The following CCDC85C variants were observed in gnomAD, a reference collection of about 807,000 sequenced individuals.
The protein encoded by CCDC85C is coiled-coil domain-containing protein 85C.
CCDC85C carries 18 observed loss-of-function variants against 38.3 expected under a neutral mutation model. The ratio of observed to expected loss-of-function variants is 0.47; its 90% CI spans 0.33 to 0.70. The LOEUF (loss-of-function observed/expected upper bound fraction) is 0.70, where lower values mean the gene tolerates loss of function less well. CCDC85C is among the 30% of genes least tolerant of loss of function. The pLI is 0.03. For synonymous variants in CCDC85C, 264 were observed against 293.8 expected, an observed-to-expected ratio of 0.90 and a Z score of 1.04; for missense variants, 566 against 621.2, an observed-to-expected ratio of 0.91 and a Z score of 0.94.
rs1566768238 is a variant in CCDC85C at position 99,544,508 on chromosome 14, G to GTC, written c.794-8421_794-8420insGA. On this transcript the variant is annotated intron_variant, in intron 1 of 5. Transcript: ENST00000380243. The surrounding 1 kb of genome is among the most constrained non-coding windows in gnomAD (Gnocchi z 5.3). Reference sequence around the variant, plus strand: ...TTGAAGGGTGTGTGTGTGTGTGTGTGTGTGTGTGTCTGTGTGTCTGTGTGT... The same window carrying GTC: ...TTGAAGGGTGTGTGTGTGTGTGTGTGTCTGTGTGTGTCTGTGTGTCTGTGTGT... 6.6e-6 allele frequency among the ~76,000 whole-genome samples: 1 copy of GTC among 151,900 alleles called. No individual in the cohort carries two copies. The highest frequency in any genetic ancestry group is 1.5e-5 in the Non-Finnish European group (1 of 68,034).
chr14:99,581,562 C>A (rs2054969274), intron 1 of CCDC85C, among the ~76,000 whole-genome samples: 1 of 152,244 alleles, frequency 6.6e-6, no homozygotes, highest in Non-Finnish European at 1.5e-5. Context: ...GTCCATGACC[C>A]CTGCCTCGGC....
intron 1 of CCDC85C, among the ~76,000 whole-genome samples, chr14:99,601,276 G>A (rs1057111629): frequency 1.3e-5 from 2 of 152,218 alleles, no homozygotes; most frequent in African/African-American, 2.4e-5. Flanking sequence ...TGGGCTTGGG[G>A]GAGGATGGGT....
chr14:99,509,896 ACTGC>A lies in CCDC85C; in HGVS notation c.*5346_*5349del. On this transcript the variant is annotated 3_prime_UTR_variant, in exon 6 of 6. Transcript: ENST00000380243. ...CAAGGGGGCTTCGGGTGCTGCCGAG[ACTGC>A]CTGTAGGTGGTGTGGTCAGGGCTGA... is the stretch of plus-strand genomic sequence containing the variant. The A allele has an allele frequency of 1.9e-6, 1 of 536,034 alleles. No individual in the cohort carries two copies. Among genetic ancestry groups the A allele is most frequent in the Non-Finnish European group, 3.3e-6 (1 of 304,186 alleles). 33.2% of individuals were successfully genotyped at this position (536,034 alleles called of 1,614,324 possible).
In CCDC85C at chr14:99,516,113, G is replaced by T; in HGVS notation, c.1170+75C>A. 8.9e-7 allele frequency: 1 copy of T among 1,118,548 alleles called. No homozygotes were observed. The highest frequency in any genetic ancestry group is 1.3e-6 in the Non-Finnish European group (1 of 756,394). The allele number at this position is 1,118,548 out of a possible 1,614,324, so 69.3% of individuals were successfully genotyped here. A position where few individuals can be genotyped will look rare whatever the true frequency, so the allele number is the denominator to read the frequency against. On this transcript the variant is annotated intron_variant, in intron 5 of 5. Transcript: ENST00000380243. This position sits in a 1 kb window ranked among gnomAD's most constrained non-coding sequence, Gnocchi z 5.5. The stretch of plus-strand genomic sequence containing the variant: ...GAGAAATGGAGTCCCACATGGGGAA[G>T]GGTATGGCCATGCTGGGTGGCCCTG...
intron 1 of CCDC85C, among the ~76,000 whole-genome samples, chr14:99,580,345 CCA>C (rs1208148989): frequency 2.0e-5 from 3 of 151,188 alleles, no homozygotes; most frequent in African/African-American, 7.3e-5. Flanking sequence ...AGCACACCTC[CCA>C]GAGTCACCGT....
In CCDC85C at chr14:99,509,575, C is replaced by T. The variant is rs147462940; in HGVS notation, c.*5671G>A. 6.5e-6 allele frequency: 1 copy of T among 153,150 alleles called. No homozygotes were observed. Among genetic ancestry groups the T allele is most frequent in the East Asian group, 1.9e-4 (1 of 5,228 alleles). The allele number at this position is 153,150 out of a possible 1,614,324, so 9.5% of individuals were successfully genotyped here. A position where few individuals can be genotyped will look rare whatever the true frequency, so the allele number is the denominator to read the frequency against. ...CACACGCACACACATGCACACACTC[C>T]TCTCAAGGAGGCTGCTATCTGAGAG... On this transcript the variant is annotated 3_prime_UTR_variant, in exon 6 of 6. Coordinates refer to ENST00000380243, the MANE Select transcript of CCDC85C (RefSeq NM_001144995.2).
At position 99,572,388 on chromosome 14, in the gene CCDC85C, G is replaced by GTC. The variant is rs1241680836; in HGVS notation, c.793+30777_793+30778dup. Reference sequence around the variant, plus strand: ...GACACTGCGGGCGCTGCGGGCTAGTGTCTCAGCCTGCAATCCCGGCTCCCA... The same window carrying GTC: ...GACACTGCGGGCGCTGCGGGCTAGTGTCTCTCAGCCTGCAATCCCGGCTCCCA... On this transcript the variant is annotated intron_variant, in intron 1 of 5. Coordinates refer to ENST00000380243, the MANE Select transcript of CCDC85C (RefSeq NM_001144995.2). The surrounding 1 kb of genome is among the most constrained non-coding windows in gnomAD (Gnocchi z 4.4). Among the ~76,000 whole-genome samples the GTC allele has an allele frequency of 6.6e-6, 1 of 152,192 alleles. No individual in the cohort carries two copies. Among genetic ancestry groups the GTC allele is most frequent in the Non-Finnish European group, 1.5e-5 (1 of 68,028 alleles).
At chr14:99,597,085 C>T (rs547730278) in intron 1 of CCDC85C, among the ~76,000 whole-genome samples, 5 of 152,210 alleles carry the variant, frequency 3.3e-5, no homozygotes, top group African/African-American at 1.2e-4. Context: ...ACTCTCCTGG[C>T]CAGAACCTCC....
rs1700571829 is a variant in CCDC85C, at chr14:99,604,088, G to T, written c.-129C>A. ...GGGCGCGTGCGGCCCGCCCCGCGCC[G>T]CCTGGCGCGTCCTCTCGCCGCGCCC... On this transcript the variant is annotated 5_prime_UTR_variant, in exon 1 of 6. Coordinates refer to ENST00000380243, the MANE Select transcript of CCDC85C (RefSeq NM_001144995.2). The T allele has an allele frequency of 6.5e-6, 6 of 922,120 alleles. No individual in the cohort carries two copies. The highest frequency in any genetic ancestry group is 7.7e-6 in the Non-Finnish European group (6 of 776,624). The allele number at this position is 922,120 out of a possible 1,614,324, so 57.1% of individuals were successfully genotyped here. A position where few individuals can be genotyped will look rare whatever the true frequency, so the allele number is the denominator to read the frequency against.
At chr14:99,556,021 G>A (rs1898003763) in intron 1 of CCDC85C, among the ~76,000 whole-genome samples, 2 of 152,224 alleles carry the variant, frequency 1.3e-5, no homozygotes, top group Admixed American at 6.5e-5. Flanking sequence ...GGTCTGTACT[G>A]TCAATGCAGT....
intron 1 of CCDC85C, among the ~76,000 whole-genome samples, chr14:99,565,122 CCA>C (rs879290463): frequency 4.8e-4 from 73 of 152,222 alleles, no homozygotes; most frequent in Non-Finnish European, 1.0e-3. Flanking sequence ...TGGTTTTCCA[CCA>C]AGAGCTGCTG....
chr14:99,586,318 G>A (rs900447305), intron 1 of CCDC85C, among the ~76,000 whole-genome samples: 3 of 152,226 alleles, frequency 2.0e-5, no homozygotes, highest in African/African-American at 7.2e-5. Flanking sequence ...AGGCACCAGA[G>A]GCACAATCCC....
Position 99,506,775 on chromosome 14 carries a change from C to G in CCDC85C, c.*8471G>C, listed in dbSNP as rs1280719942. ...CATACATGCTCATGAAGACGTTGCT[C>G]TGCTGGTCTCACATGGTCGGAAGGA... On this transcript the variant is annotated 3_prime_UTR_variant, in exon 6 of 6. Coordinates refer to ENST00000380243, the MANE Select transcript of CCDC85C (RefSeq NM_001144995.2). 2.5e-6 allele frequency: 1 copy of G among 392,590 alleles called. No homozygotes were observed. The highest frequency in any genetic ancestry group is 2.1e-5 in the African/African-American group (1 of 48,362). 24.3% of individuals were successfully genotyped at this position (392,590 alleles called of 1,614,324 possible). A position where few individuals can be genotyped will look rare whatever the true frequency, so the allele number is the denominator to read the frequency against.
chr14:99,514,991 G>A lies in CCDC85C; in HGVS notation c.*255C>T, dbSNP rs976639824. ...CCAGGGCCCAGAGGGGGAATGAGGCGTCCGGGCCGCTCTGCTGCAGGAACA... is the reference window on the plus strand; with the variant it reads ...CCAGGGCCCAGAGGGGGAATGAGGCATCCGGGCCGCTCTGCTGCAGGAACA... On this transcript the variant is annotated 3_prime_UTR_variant, in exon 6 of 6. Coordinates refer to ENST00000380243, the MANE Select transcript of CCDC85C (RefSeq NM_001144995.2). 12 of 402,730 alleles carry A rather than the reference G, an allele frequency of 3.0e-5. No homozygotes were observed. Among genetic ancestry groups the A allele is most frequent in the South Asian group, 8.6e-5 (3 of 34,724 alleles). The allele number at this position is 402,730 out of a possible 1,614,324, so 24.9% of individuals were successfully genotyped here.
At chr14:99,582,180 G>T (rs755480) in intron 1 of CCDC85C, among the ~76,000 whole-genome samples, 48,882 of 151,982 alleles carry the variant, frequency 0.32, 9,011 homozygotes, top group Non-Finnish European at 0.41. Context: ...ATGGATGGGG[G>T]TACCAGGCCT....
In CCDC85C at chr14:99,522,212, A is replaced by G. The variant is rs1367844702; in HGVS notation, c.896T>C (p.Leu299Pro). 1 of 1,550,280 alleles carries G rather than the reference A, an allele frequency of 6.5e-7. No individual in the cohort carries two copies. Among genetic ancestry groups the G allele is most frequent in the South Asian group, 1.2e-5 (1 of 84,064 alleles). Residue 299 changes from leucine (L) to proline (P), a missense_variant, in exon 3 of 6, where the codon CTG becomes CCG. This residue lies in a region of CCDC85C where 286 missense variants were observed against 276.4 expected (regional missense o/e 1.03). Transcript: ENST00000380243. ...GTGGTAGGGCGAGAAGCCTTTCCGC[A>G]GCGTGCGGAACTCTCCGGAGCCTGC... Reference protein sequence around the residue: ...QQAGSGEFRTLRKGFSPYHSE... With the variant: ...QQAGSGEFRTPRKGFSPYHSE...
In CCDC85C at chr14:99,503,206, G is replaced by A; in HGVS notation, c.*12040C>T. On this transcript the variant is annotated 3_prime_UTR_variant, in exon 6 of 6. Transcript: ENST00000380243. ...GGAGGGGGCTCTCTGCCCGGCTCCAGCCCTGCTGCCTGTTTCATCCCTGCC... is the reference window on the plus strand; with the variant it reads ...GGAGGGGGCTCTCTGCCCGGCTCCAACCCTGCTGCCTGTTTCATCCCTGCC... The A allele has an allele frequency of 1.4e-6, 1 of 691,930 alleles. No homozygotes were observed. The highest frequency in any genetic ancestry group is 2.6e-6 in the Non-Finnish European group (1 of 383,084). The allele number at this position is 691,930 out of a possible 1,614,324, so 42.9% of individuals were successfully genotyped here. A position where few individuals can be genotyped will look rare whatever the true frequency, so the allele number is the denominator to read the frequency against.
intron 1 of CCDC85C, among the ~76,000 whole-genome samples, chr14:99,597,823 G>A (rs959388629): frequency 6.6e-6 from 1 of 152,178 alleles, no homozygotes; most frequent in African/African-American, 2.4e-5. Context: ...CTGGGTACCA[G>A]CGTGTGTCAG....
intron 2 of CCDC85C, among the ~76,000 whole-genome samples, chr14:99,525,077 T>TA (rs1566761410): frequency 6.6e-6 from 1 of 152,182 alleles, no homozygotes; most frequent in African/African-American, 2.4e-5. Context: ...ATGAGTGTCC[T>TA]GGACTAGGGA....
Sources: allele counts gnomAD v4.1 joint callset (sites outside exome capture counted in the v4.1 genomes callset), GRCh38; gene constraint gnomAD v4.1.1; regional missense constraint gnomAD v4.1.1; non-coding constraint Gnocchi (gnomAD v3.1); transcripts MANE v1.5; gene names NCBI Gene and HGNC (gene_info 2026-07-23, HGNC 2026-07-21).